Variants in EDAR observed in about 807,000 individuals in gnomAD.
EDAR encodes tumor necrosis factor receptor superfamily member EDAR.
In EDAR, 38 loss-of-function variants were observed where a neutral mutation model predicts 51.3. The observed-to-expected ratio is 0.74, with a 90% CI of 0.57 to 0.97. The LOEUF is 0.97. EDAR is among the 50% of genes least tolerant of loss of function. The probability of loss-of-function intolerance (pLI) is 0.00; values close to 1 mark genes in which losing one functional copy is unlikely to be tolerated. For synonymous variants in EDAR, 227 were observed against 242.1 expected, an observed-to-expected ratio of 0.94 and a Z score of 0.58; for missense variants, 528 against 595.0, an observed-to-expected ratio of 0.89 and a Z score of 1.17.
rs1235133083 is a variant in EDAR at position 108,894,534 on chromosome 2, A to AAAAT, written c.*2369_*2372dup. The AAAAT allele has an allele frequency of 3.3e-5, 5 of 152,738 alleles. No homozygotes were observed. In the East Asian group the frequency reaches 7.7e-4, roughly 24 times the overall value. The allele number at this position is 152,738 out of a possible 1,614,324, so 9.5% of individuals were successfully genotyped here. A position where few individuals can be genotyped will look rare whatever the true frequency, so the allele number is the denominator to read the frequency against. On this transcript the variant is annotated 3_prime_UTR_variant, in exon 12 of 12. Coordinates refer to ENST00000258443, the MANE Select transcript of EDAR (RefSeq NM_022336.4). ...AGTTATATATATACAGAATTAGACA[A>AAAAT]AAATAATATTGACAATTAAGACTTC...
At chr2:108,975,462 G>A (rs1353712089) in intron 1 of EDAR, among the ~76,000 whole-genome samples, 4 of 152,146 alleles carry the variant, frequency 2.6e-5, no homozygotes, top group Admixed American at 6.5e-5. Context: ...CAAGACCTGC[G>A]TCTACTTTAA....
chr2:108,983,128 C>G (rs1360224717), intron 1 of EDAR, among the ~76,000 whole-genome samples: 2 of 152,190 alleles, frequency 1.3e-5, no homozygotes, highest in East Asian at 3.8e-4. Flanking sequence ...AGTGCCCTCC[C>G]TTGGCCACGC....
At chr2:108,942,485 G>A (rs565683589) in intron 1 of EDAR, among the ~76,000 whole-genome samples, 1 of 152,360 alleles carries the variant, frequency 6.6e-6, no homozygotes, top group East Asian at 1.9e-4. Context: ...CAGTTGGCAA[G>A]TTCCCGGGGA....
At chr2:108,988,586 C>T (rs770087507) in intron 1 of EDAR, among the ~76,000 whole-genome samples, 76 of 152,086 alleles carry the variant, frequency 5.0e-4, no homozygotes, top group Non-Finnish European at 9.3e-4. Context: ...GAGTCCCTGC[C>T]GCGCCTGCCT....
intron 1 of EDAR, among the ~76,000 whole-genome samples, chr2:108,957,511 A>G (rs1697949414): frequency 6.6e-6 from 1 of 152,212 alleles, no homozygotes; most frequent in Admixed American, 6.5e-5. Context: ...GGATGGTTCT[A>G]TCAGGTTCTG....
At position 108,912,755 on chromosome 2, in the gene EDAR, G is replaced by A. The variant is rs745964365; in HGVS notation, c.452C>T (p.Ala151Val). 1.3e-6 allele frequency: 2 copies of A among 1,595,512 alleles called. No individual in the cohort carries two copies. The highest frequency in any genetic ancestry group is 3.5e-5 in the Admixed American group (2 of 57,582). Residue 151 changes from alanine (A) to valine (V), a missense_variant, in exon 6 of 12, where the codon GCC (alanine) becomes GTC (valine). Transcript: ENST00000258443. The part of the protein sequence containing the change: ...APPNTKECVG[A>V]TSGASANFPG... The stretch of plus-strand genomic sequence containing the variant: ...GAAGTTGGCAGAAGCTCCTGAAGTG[G>A]CTCCCACACCTGCAAGGAAAATAGA...
intron 5 of EDAR, among the ~76,000 whole-genome samples, chr2:108,916,952 C>T (rs1697039765): frequency 6.6e-6 from 1 of 152,170 alleles, no homozygotes; most frequent in East Asian, 1.9e-4. Flanking sequence ...TTCAGACTTG[C>T]CCACAGGCCA....
intron 1 of EDAR, among the ~76,000 whole-genome samples, chr2:108,939,133 G>A (rs1256510684): frequency 1.3e-5 from 2 of 151,914 alleles, no homozygotes; most frequent in Non-Finnish European, 2.9e-5. Context: ...AACATGATAG[G>A]AGCCACTCTT....
intron 1 of EDAR, among the ~76,000 whole-genome samples, chr2:108,977,028 T>C (rs1698334305): frequency 6.6e-6 from 1 of 152,138 alleles, no homozygotes; most frequent in South Asian, 2.1e-4. Flanking sequence ...CAAATACCTC[T>C]GACTTCCCAG....
At chr2:108,949,133 A>C (rs1220812518) in intron 1 of EDAR, among the ~76,000 whole-genome samples, 1 of 151,836 alleles carries the variant, frequency 6.6e-6, no homozygotes, top group Non-Finnish European at 1.5e-5. Flanking sequence ...TTGAAACACC[A>C]TGCCTGGGTA....
rs1190562138 is a variant in EDAR at position 108,910,775 on chromosome 2, C to G, written c.730+1G>C. ...GTGTGTGGAAGCCCTGGTTCACAGA[C>G]CTGGGGCCTCTTTCTTCTCCTCGTC... On this transcript the variant is annotated splice_donor_variant, in intron 8 of 11. Transcript: ENST00000258443. LOFTEE classifies it high-confidence loss of function. The G allele has an allele frequency of 1.2e-6, 2 of 1,612,896 alleles. No homozygotes were observed. The highest frequency in any genetic ancestry group is 1.7e-6 in the Non-Finnish European group (2 of 1,180,014).
At chr2:108,964,819 C>T (rs1698118609) in intron 1 of EDAR, among the ~76,000 whole-genome samples, 1 of 152,170 alleles carries the variant, frequency 6.6e-6, no homozygotes, top group African/African-American at 2.4e-5. Context: ...GAAGACCTTC[C>T]AGAGAGCCAC....
intron 8 of EDAR, 97 bp downstream of exon 8, chr2:108,910,679 G>T (rs1489546248): frequency 6.8e-7 from 1 of 1,468,508 alleles, no homozygotes. Flanking sequence ...GGTTCAGCAT[G>T]TGAGAGCAGA....
At chr2:108,970,509 G>A (rs1698216101) in intron 1 of EDAR, among the ~76,000 whole-genome samples, 1 of 152,090 alleles carries the variant, frequency 6.6e-6, no homozygotes, top group Non-Finnish European at 1.5e-5. Context: ...GATGGTCTGG[G>A]AGCTGGGGCC....
chr2:108,902,267 T>C (rs530185806), intron 11 of EDAR, among the ~76,000 whole-genome samples: 2 of 151,764 alleles, frequency 1.3e-5, no homozygotes, highest in East Asian at 3.9e-4. Flanking sequence ...TCCCAGCTAC[T>C]TGGGAGGCTG....
chr2:108,941,447 G>T (rs1036938343), intron 1 of EDAR, among the ~76,000 whole-genome samples: 1 of 152,124 alleles, frequency 6.6e-6, no homozygotes, highest in Admixed American at 6.5e-5. Flanking sequence ...CAAGGCGGAG[G>T]CACTGAGCTT....
At chr2:108,929,137 T>TA (rs1410044131) in intron 4 of EDAR, 61 bp downstream of exon 4, 3 of 1,596,746 alleles carry the variant, frequency 1.9e-6, no homozygotes, top group Non-Finnish European at 1.7e-6. Context: ...TCCTTGCCCG[T>TA]AGCCCCTCGG....
At chr2:108,929,415 T>C (rs1038365691) in intron 3 of EDAR, 36 bp from the exon 4 acceptor site, 3 of 1,608,632 alleles carry the variant, frequency 1.9e-6, no homozygotes, top group Non-Finnish European at 2.6e-6. Flanking sequence ...CACAGGTGAG[T>C]GCAGCAGCCA....
At position 108,895,962 on chromosome 2, in the gene EDAR, C is replaced by T. The variant is rs1333219740; in HGVS notation, c.*945G>A. On this transcript the variant is annotated 3_prime_UTR_variant, in exon 12 of 12. Transcript: ENST00000258443. ...CTCTAATTACAGCTGACTACTCATA[C>T]ATGTTTGAAGTGAAAACACAGCCTG... is the stretch of plus-strand genomic sequence containing the variant. 6.6e-6 allele frequency: 1 copy of T among 152,234 alleles called. No homozygotes were observed. The highest frequency in any genetic ancestry group is 1.5e-5 in the Non-Finnish European group (1 of 68,036). 9.4% of individuals were successfully genotyped at this position (152,234 alleles called of 1,614,324 possible).
Sources: gnomAD v4.1 joint callset for allele counts (sites outside exome capture counted in the v4.1 genomes callset) on GRCh38, gnomAD v4.1.1 for gene constraint, MANE v1.5 for transcripts, NCBI Gene and HGNC (gene_info 2026-07-23, HGNC 2026-07-21) for gene names.